PTPN4: variants seen among roughly 807,000 people sequenced by gnomAD.
The protein encoded by PTPN4 is tyrosine-protein phosphatase non-receptor type 4.
Under a neutral mutation model 135.5 loss-of-function variants are expected in PTPN4, and 49 were observed. The ratio of observed to expected loss-of-function variants is 0.36; its 90% CI spans 0.29 to 0.46. The LOEUF is 0.46. PTPN4 is among the 20% of genes least tolerant of loss of function. The pLI, the probability that PTPN4 is intolerant of heterozygous loss-of-function variation, is 1.00. For missense variants in PTPN4, 860 were observed against 1,101.0 expected (o/e 0.78, Z 3.10); for synonymous variants, 333 against 369.9 (o/e 0.90, Z 1.14).
intron 18 of PTPN4, among the ~76,000 whole-genome samples, chr2:119,947,039 A>G (rs1026344306): frequency 2.0e-5 from 3 of 152,174 alleles, no homozygotes; most frequent in African/African-American, 4.8e-5. Flanking sequence ...GAAAACTTAT[A>G]TATCCATTAT....
intron 13 of PTPN4, among the ~76,000 whole-genome samples, chr2:119,930,215 C>T (rs529496420): frequency 4.6e-4 from 70 of 152,156 alleles, no homozygotes; most frequent in African/African-American, 1.6e-3. Flanking sequence ...AATTCACTTA[C>T]GGAAAATGAA....
intron 12 of PTPN4, among the ~76,000 whole-genome samples, chr2:119,920,616 T>C (rs1359712309): frequency 3.3e-5 from 5 of 152,238 alleles, no homozygotes; most frequent in African/African-American, 1.2e-4. Flanking sequence ...TATATAATTA[T>C]TGTTTTTTAA....
intron 3 of PTPN4, among the ~76,000 whole-genome samples, chr2:119,865,375 C>T (rs181004713): frequency 6.6e-6 from 1 of 152,212 alleles, no homozygotes; most frequent in African/African-American, 2.4e-5. Context: ...TTTATTCTCA[C>T]AATACTTTCC....
At chr2:119,952,225 C>A in intron 19 of PTPN4, 96 bp downstream of exon 19, 1 of 1,174,210 alleles carries the variant, frequency 8.5e-7, no homozygotes, top group Non-Finnish European at 1.2e-6. Flanking sequence ...ACATAAGTCA[C>A]CTAAGTTTCC....
chr2:119,830,634 A>G (rs535598372), intron 2 of PTPN4, among the ~76,000 whole-genome samples: 1 of 152,076 alleles, frequency 6.6e-6, no homozygotes, highest in African/African-American at 2.4e-5. Flanking sequence ...ACGCCCCGCT[A>G]ATTTTTTATT....
intron 2 of PTPN4, among the ~76,000 whole-genome samples, chr2:119,846,145 A>C (rs1677495861): frequency 6.6e-6 from 1 of 152,276 alleles, no homozygotes; most frequent in Non-Finnish European, 1.5e-5. Flanking sequence ...TGTGCACTTG[A>C]GAAGAATGCC....
chr2:119,760,414 C>T (rs764225532), intron 1 of PTPN4, 30 bp downstream of exon 1: 82 of 387,712 alleles, frequency 2.1e-4, no homozygotes, highest in Non-Finnish European at 1.9e-4. Context: ...CCGCCGGCCT[C>T]TCGGCCCTGC....
rs774098412 is a variant in PTPN4 at position 119,881,765 on chromosome 2, TTTTG to T, written c.369-9_369-6del. 1.6e-5 allele frequency: 24 copies of T among 1,492,178 alleles called. No homozygotes were observed. The highest frequency in any genetic ancestry group is 3.6e-5 in the Admixed American group (2 of 55,434). 92.4% of individuals were successfully genotyped at this position (1,492,178 alleles called of 1,614,324 possible). On this transcript the variant is annotated splice_polypyrimidine_tract_variant and intron_variant, in intron 5 of 26. Coordinates refer to ENST00000263708, the MANE Select transcript of PTPN4 (RefSeq NM_002830.4). The stretch of plus-strand genomic sequence containing the variant: ...TTACAATTCTATTAAATGCTATCCT[TTTTG>T]TTTGTTTGTTTTTAAGGTACCAGTA...
At chr2:119,763,860 T>A (rs562122255) in intron 1 of PTPN4, among the ~76,000 whole-genome samples, 2 of 152,260 alleles carry the variant, frequency 1.3e-5, no homozygotes, top group Non-Finnish European at 2.9e-5. Context: ...GAGCATAGCT[T>A]TAGGTCTGAC....
At chr2:119,796,860 TTG>T (rs112883330) in intron 1 of PTPN4, among the ~76,000 whole-genome samples, 16,747 of 147,400 alleles carry the variant, frequency 0.11, 1,074 homozygotes, top group African/African-American at 0.17. Flanking sequence ...GTCACTGTTT[TTG>T]TGTGTGTGTG....
At chr2:119,915,305 C>G (rs1304237444) in intron 11 of PTPN4, 63 bp downstream of exon 11, 2 of 1,327,798 alleles carry the variant, frequency 1.5e-6, no homozygotes, top group Non-Finnish European at 2.0e-6. Context: ...CCATTCATGA[C>G]AGAACTTTTC....
rs138928846 is a variant in PTPN4 at position 119,882,110 on chromosome 2, T to C, written c.427T>C (p.Ser143Pro). The stretch of plus-strand genomic sequence containing the variant: ...TTGTTTTATTAGATTACCCTGTCCT[T>C]CTAATACTGCTGCCCTTTTAGCTTC... ...DILTGRLPCP[S>P]NTAALLASFA... is the part of the protein sequence containing the mutation. The change falls in exon 7 of 27, where the codon TCT becomes CCT. Residue 143 changes from serine (S) to proline (P), a missense_variant. This residue lies in a region of PTPN4 where 684 missense variants were observed against 807.0 expected (regional missense o/e 0.85). Coordinates refer to ENST00000263708, the MANE Select transcript of PTPN4 (RefSeq NM_002830.4). The C allele has an allele frequency of 1.2e-6, 2 of 1,609,698 alleles. No homozygotes were observed. The highest frequency in any genetic ancestry group is 2.7e-5 in the African/African-American group (2 of 74,848).
At chr2:119,761,451 T>C (rs1016602713) in intron 1 of PTPN4, among the ~76,000 whole-genome samples, 4 of 152,218 alleles carry the variant, frequency 2.6e-5, no homozygotes, top group African/African-American at 9.6e-5. Context: ...ATCATCTAAA[T>C]CTTGAATTTG....
chr2:119,779,461 C>T (rs142017836), intron 1 of PTPN4, among the ~76,000 whole-genome samples: 2,268 of 152,008 alleles, frequency 0.015, 49 homozygotes, highest in African/African-American at 0.052. Flanking sequence ...ACTAAAAATA[C>T]AAAAAATTAG....
intron 22 of PTPN4, among the ~76,000 whole-genome samples, chr2:119,958,056 T>C (rs1298231749): frequency 6.6e-6 from 1 of 152,032 alleles, no homozygotes; most frequent in Non-Finnish European, 1.5e-5. Flanking sequence ...AAATGACAAA[T>C]GGAATTTTTT....
chr2:119,815,988 G>A (rs1676979842), intron 2 of PTPN4, among the ~76,000 whole-genome samples: 1 of 152,130 alleles, frequency 6.6e-6, no homozygotes, highest in Admixed American at 6.6e-5. Flanking sequence ...GGATTCCCTT[G>A]TGCTCCTCTA....
chr2:119,931,147 G>A (rs1358343987), intron 13 of PTPN4, among the ~76,000 whole-genome samples: 3 of 151,828 alleles, frequency 2.0e-5, no homozygotes, highest in African/African-American at 7.3e-5. Context: ...GTTTTTATAT[G>A]CTTCAGTTAA....
intron 2 of PTPN4, among the ~76,000 whole-genome samples, chr2:119,855,260 A>T (rs1035211466): frequency 1.3e-5 from 2 of 152,200 alleles, no homozygotes; most frequent in African/African-American, 4.8e-5. Flanking sequence ...AAGATAATGC[A>T]GTTTCCAGAA....
intron 13 of PTPN4, among the ~76,000 whole-genome samples, chr2:119,929,828 C>A (rs912000351): frequency 7.9e-5 from 12 of 152,140 alleles, no homozygotes; most frequent in African/African-American, 2.7e-4. Context: ...ACGCTTCAGA[C>A]TAGGTGAGTG....
Sources: allele counts gnomAD v4.1 joint callset (sites outside exome capture counted in the v4.1 genomes callset), GRCh38; gene constraint gnomAD v4.1.1; regional missense constraint gnomAD v4.1.1; transcripts MANE v1.5; gene names NCBI Gene and HGNC (gene_info 2026-07-23, HGNC 2026-07-21).